Variants in CLSTN2 observed in about 807,000 individuals in gnomAD.
CLSTN2 encodes the protein calsyntenin-2.
In CLSTN2, 48 loss-of-function variants were observed where a neutral mutation model predicts 101.2. The observed-to-expected ratio is 0.47, with a 90% CI of 0.38 to 0.60. The LOEUF (loss-of-function observed/expected upper bound fraction) is 0.60. Among genes scored for constraint, CLSTN2 ranks in the 20% least tolerant of loss-of-function variants. CLSTN2 has a pLI of 0.00. For synonymous variants in CLSTN2, 481 were observed against 463.6 expected (o/e 1.04, Z -0.48); for missense variants, 1,160 against 1,238.2 (o/e 0.94, Z 0.95).
chr3:140,142,979 C>T (rs1230749690), intron 1 of CLSTN2, among the ~76,000 whole-genome samples: 1 of 152,164 alleles, frequency 6.6e-6, no homozygotes. Flanking sequence ...CTACTACTTA[C>T]TAACATTATG....
At chr3:140,016,044 T>C (rs1276483655) in intron 1 of CLSTN2, among the ~76,000 whole-genome samples, 2 of 152,218 alleles carry the variant, frequency 1.3e-5, no homozygotes, top group East Asian at 3.9e-4. Context: ...AAGCAGTCTG[T>C]AGTCACTTTA....
chr3:140,521,963 G>C (rs1935036529), intron 8 of CLSTN2, among the ~76,000 whole-genome samples: 2 of 152,196 alleles, frequency 1.3e-5, no homozygotes, highest in Non-Finnish European at 2.9e-5. Context: ...CCCAGGGCCA[G>C]CAAAACTGGG....
chr3:140,043,739 A>T (rs2007809285), intron 1 of CLSTN2, among the ~76,000 whole-genome samples: 1 of 152,196 alleles, frequency 6.6e-6, no homozygotes, highest in Non-Finnish European at 1.5e-5. Context: ...AGCTTTCTAC[A>T]TATGGCTAGC....
chr3:140,110,373 A>G (rs919581576), intron 1 of CLSTN2, among the ~76,000 whole-genome samples: 15 of 152,222 alleles, frequency 9.9e-5, no homozygotes, highest in Non-Finnish European at 1.2e-4. Flanking sequence ...CTATTTTCAC[A>G]GTAATATTTT....
intron 10 of CLSTN2, among the ~76,000 whole-genome samples, chr3:140,552,726 T>G (rs1348215134): frequency 6.6e-6 from 1 of 152,168 alleles, no homozygotes; most frequent in East Asian, 1.9e-4. Context: ...ATCTACCTCA[T>G]GCTTTCGATG....
At chr3:140,298,644 C>T (rs550981946) in intron 2 of CLSTN2, among the ~76,000 whole-genome samples, 87 of 152,290 alleles carry the variant, frequency 5.7e-4, no homozygotes, top group African/African-American at 1.9e-3. Flanking sequence ...CACAAGAAGA[C>T]TCATTCAGTT....
chr3:140,563,349 C>T, intron 15 of CLSTN2, 146 bp downstream of exon 15: 1 of 819,848 alleles, frequency 1.2e-6, no homozygotes, highest in Non-Finnish European at 1.9e-6. Flanking sequence ...TGTGCCCTGG[C>T]TTTGAGATAC....
chr3:140,016,581 A>C (rs1314313883), intron 1 of CLSTN2, among the ~76,000 whole-genome samples: 1 of 152,096 alleles, frequency 6.6e-6, no homozygotes, highest in Non-Finnish European at 1.5e-5. Context: ...CGGGCGGATC[A>C]TGAGGTCAGG....
intron 2 of CLSTN2, among the ~76,000 whole-genome samples, chr3:140,182,282 G>A (rs2010419744): frequency 6.6e-6 from 1 of 152,006 alleles, no homozygotes; most frequent in Admixed American, 6.6e-5. Context: ...AAATGCACTA[G>A]AGTTTTTAAA....
chr3:139,957,198 A>G (rs1417189647), intron 1 of CLSTN2, among the ~76,000 whole-genome samples: 1 of 152,076 alleles, frequency 6.6e-6, no homozygotes, highest in African/African-American at 2.4e-5. Context: ...CTGCCCAGAG[A>G]TGAGCTCTCC....
chr3:140,073,879 C>T (rs2008438640), intron 1 of CLSTN2, among the ~76,000 whole-genome samples: 1 of 152,206 alleles, frequency 6.6e-6, no homozygotes, highest in Non-Finnish European at 1.5e-5. Context: ...CTGTGATTTA[C>T]AGTCCTGTGA....
At position 140,183,140 on chromosome 3, in the gene CLSTN2, C is replaced by T. The variant is rs533905696; in HGVS notation, c.232+7067C>T. Among the ~76,000 whole-genome samples, 28 of 152,208 alleles carry T rather than the reference C, an allele frequency of 1.8e-4. 1 individual carries two copies. The South Asian group carries it at 2.9e-3, about 16-fold the overall frequency. On this transcript the variant is annotated intron_variant, in intron 2 of 16. Coordinates refer to ENST00000458420, the MANE Select transcript of CLSTN2 (RefSeq NM_022131.3). ...CCTGTCACACCCATGCACCAGTGAC[C>T]CTTACCCAGAGCTTTTGGATTTTCT...
chr3:140,122,280 T>C (rs2009355281), intron 1 of CLSTN2, among the ~76,000 whole-genome samples: 1 of 152,168 alleles, frequency 6.6e-6, no homozygotes, highest in Non-Finnish European at 1.5e-5. Context: ...ACAGTATGAA[T>C]CTATTAACTG....
intron 2 of CLSTN2, among the ~76,000 whole-genome samples, chr3:140,205,614 A>ACCCCCC (rs1286516086): frequency 1.5e-5 from 1 of 66,794 alleles, no homozygotes; most frequent in Non-Finnish European, 3.5e-5. Context: ...TTTGGACCTG[A>ACCCCCC]CCCGCCCCCC....
intron 1 of CLSTN2, among the ~76,000 whole-genome samples, chr3:140,157,393 T>G (rs2009972941): frequency 1.3e-5 from 2 of 152,312 alleles, no homozygotes; most frequent in South Asian, 2.1e-4. Flanking sequence ...GGTAGGTTTT[T>G]TAAATTACTG....
In CLSTN2 at chr3:140,522,379, G is replaced by A. The variant is rs539003432; in HGVS notation, c.1345-9945G>A. 6.8e-4 allele frequency among the ~76,000 whole-genome samples: 103 copies of A among 152,328 alleles called. 1 individual carries two copies. In the South Asian group the frequency reaches 0.021, roughly 31 times the overall value. On this transcript the variant is annotated intron_variant, in intron 8 of 16. Coordinates refer to ENST00000458420, the MANE Select transcript of CLSTN2 (RefSeq NM_022131.3). ...TTACTAGTGTTTAAATTAGTGGCCTGAGGCCGTATGGCCTCGCAAGTCTTA... is the reference window on the plus strand; with the variant it reads ...TTACTAGTGTTTAAATTAGTGGCCTAAGGCCGTATGGCCTCGCAAGTCTTA...
chr3:140,137,145 T>C (rs990113664), intron 1 of CLSTN2, among the ~76,000 whole-genome samples: 4 of 152,140 alleles, frequency 2.6e-5, no homozygotes, highest in Non-Finnish European at 5.9e-5. Flanking sequence ...TGGTGAGGGA[T>C]ACTCCTGTTA....
intron 2 of CLSTN2, among the ~76,000 whole-genome samples, chr3:140,203,874 G>A (rs1279930899): frequency 6.6e-6 from 1 of 152,202 alleles, no homozygotes; most frequent in Admixed American, 6.5e-5. Context: ...TAACCCGCAA[G>A]ATTCTGTCTA....
chr3:140,155,972 TCAGA>T (rs1042207372), intron 1 of CLSTN2, among the ~76,000 whole-genome samples: 5 of 152,020 alleles, frequency 3.3e-5, no homozygotes, highest in African/African-American at 1.2e-4. Flanking sequence ...TTTTTCCCAT[TCAGA>T]CAGATTTATT....
Sources: allele counts gnomAD v4.1 joint callset (sites outside exome capture counted in the v4.1 genomes callset), GRCh38; gene constraint gnomAD v4.1.1; transcripts MANE v1.5; gene names NCBI Gene and HGNC (gene_info 2026-07-23, HGNC 2026-07-21).